The following SEMA5A variants were observed in gnomAD, a reference collection of about 807,000 sequenced individuals.
SEMA5A encodes semaphorin 5A, also known as semaphorin-5A.
SEMA5A carries 55 observed loss-of-function variants against 135.5 expected under a neutral mutation model. The ratio of observed to expected loss-of-function variants is 0.41; its 90% CI spans 0.33 to 0.51. SEMA5A has a LOEUF of 0.51. SEMA5A is among the 20% of genes least tolerant of loss of function. The probability of loss-of-function intolerance (pLI) is 0.37; values close to 1 mark genes in which losing one functional copy is unlikely to be tolerated. For missense variants in SEMA5A, 1,290 were observed against 1,419.9 expected (o/e 0.91, Z 1.47); for synonymous variants, 580 against 546.5 (o/e 1.06, Z -0.85).
chr5:9,320,102 G>T (rs946619986), intron 4 of SEMA5A, among the ~76,000 whole-genome samples: 3 of 152,132 alleles, frequency 2.0e-5, no homozygotes, highest in East Asian at 3.9e-4. Context: ...CACACAGTTT[G>T]CCTCCTCACA....
intron 1 of SEMA5A, among the ~76,000 whole-genome samples, chr5:9,520,773 A>G (rs1736783512): frequency 6.6e-6 from 1 of 152,166 alleles, no homozygotes; most frequent in Admixed American, 6.5e-5. Context: ...AGGACATTTG[A>G]CAAACTACCT....
At chr5:9,091,850 T>C (rs1298947481) in intron 16 of SEMA5A, among the ~76,000 whole-genome samples, 1 of 152,160 alleles carries the variant, frequency 6.6e-6, no homozygotes, top group Non-Finnish European at 1.5e-5. Flanking sequence ...TCACCATTTG[T>C]ATGACAGTCC....
intron 1 of SEMA5A, among the ~76,000 whole-genome samples, chr5:9,520,221 A>G (rs554393220): frequency 2.0e-5 from 3 of 152,156 alleles, no homozygotes; most frequent in African/African-American, 7.2e-5. Context: ...CTAAGCACCT[A>G]CTCCAGGCCA....
chr5:9,158,949 T>TTCAATC (rs1323848387), intron 11 of SEMA5A, among the ~76,000 whole-genome samples: 1 of 152,026 alleles, frequency 6.6e-6, no homozygotes, highest in Non-Finnish European at 1.5e-5. Context: ...GGCTGCCAAT[T>TTCAATC]TGAATTTCAG....
At chr5:9,360,239 G>A (rs193302793) in intron 3 of SEMA5A, among the ~76,000 whole-genome samples, 5 of 152,288 alleles carry the variant, frequency 3.3e-5, no homozygotes, top group African/African-American at 9.6e-5. Flanking sequence ...GAGATAATGT[G>A]TACAGTGTTC....
chr5:9,130,342 G>A (rs528010382), intron 13 of SEMA5A, among the ~76,000 whole-genome samples: 6 of 151,820 alleles, frequency 4.0e-5, no homozygotes, highest in Admixed American at 6.6e-5. Flanking sequence ...TTTCATGTAC[G>A]TTTTGCCATA....
chr5:9,469,578 A>G (rs1260636540), intron 1 of SEMA5A, among the ~76,000 whole-genome samples: 1 of 152,210 alleles, frequency 6.6e-6, no homozygotes, highest in African/African-American at 2.4e-5. Context: ...GCTCCAGGTC[A>G]TTGATCCTAG....
At chr5:9,145,586 T>C (rs1742283853) in intron 12 of SEMA5A, among the ~76,000 whole-genome samples, 1 of 151,598 alleles carries the variant, frequency 6.6e-6, no homozygotes, top group Non-Finnish European at 1.5e-5. Context: ...TACATAACTT[T>C]AAATTTGAGA....
chr5:9,346,006 T>C (rs1753849887), intron 3 of SEMA5A, among the ~76,000 whole-genome samples: 1 of 152,176 alleles, frequency 6.6e-6, no homozygotes, highest in Non-Finnish European at 1.5e-5. Context: ...CTTAAAAGCC[T>C]GACAGACTGC....
intron 13 of SEMA5A, among the ~76,000 whole-genome samples, chr5:9,129,158 C>A (rs1441017688): frequency 6.6e-6 from 1 of 152,092 alleles, no homozygotes; most frequent in Non-Finnish European, 1.5e-5. Flanking sequence ...AGAGGAAGAA[C>A]TTGAAATAAG....
chr5:9,427,595 C>T (rs539549267), intron 2 of SEMA5A, among the ~76,000 whole-genome samples: 256 of 152,270 alleles, frequency 1.7e-3, no homozygotes, highest in African/African-American at 5.5e-3. Flanking sequence ...CTGATGAATA[C>T]ATCACAACTG....
At chr5:9,075,661 G>A (rs898815738) in intron 16 of SEMA5A, among the ~76,000 whole-genome samples, 1 of 152,078 alleles carries the variant, frequency 6.6e-6, no homozygotes, top group African/African-American at 2.4e-5. Flanking sequence ...TCTGAGATGA[G>A]GGAGTACTGG....
intron 11 of SEMA5A, among the ~76,000 whole-genome samples, chr5:9,158,991 G>A (rs1378393347): frequency 6.6e-6 from 1 of 152,072 alleles, no homozygotes; most frequent in Admixed American, 6.5e-5. Flanking sequence ...GTATTAGTAT[G>A]CACTATTCAA....
At chr5:9,142,809 G>A (rs902697263) in intron 12 of SEMA5A, among the ~76,000 whole-genome samples, 10 of 152,148 alleles carry the variant, frequency 6.6e-5, no homozygotes, top group African/African-American at 2.4e-4. Context: ...TTCAAAAATA[G>A]AAAAATTAAC....
At chr5:9,439,238 A>G (rs1177970567) in intron 1 of SEMA5A, among the ~76,000 whole-genome samples, 1 of 152,218 alleles carries the variant, frequency 6.6e-6, no homozygotes, top group Admixed American at 6.5e-5. Context: ...AGTCTCAGAA[A>G]TATTCCTCAG....
At chr5:9,153,675 G>A (rs1350655839) in intron 12 of SEMA5A, among the ~76,000 whole-genome samples, 1 of 152,000 alleles carries the variant, frequency 6.6e-6, no homozygotes, top group Non-Finnish European at 1.5e-5. Flanking sequence ...CTTCTCAAGG[G>A]GTTATCAGCA....
At chr5:9,489,536 C>T (rs778610456) in intron 1 of SEMA5A, among the ~76,000 whole-genome samples, 14 of 152,038 alleles carry the variant, frequency 9.2e-5, no homozygotes, top group Admixed American at 2.0e-4. Context: ...GTGGGTTACA[C>T]GGCCAATATG....
chr5:9,505,029 T>C (rs1236572897), intron 1 of SEMA5A, among the ~76,000 whole-genome samples: 1 of 152,204 alleles, frequency 6.6e-6, no homozygotes, highest in East Asian at 1.9e-4. Context: ...ACTTAGTACA[T>C]AATTTCTCCT....
rs556072730 is a variant in SEMA5A, at chr5:9,135,288, C to T, written c.1599+1216G>A. 4.7e-5 allele frequency among the ~76,000 whole-genome samples: 7 copies of T among 150,166 alleles called. No individual in the cohort carries two copies. In the East Asian group the frequency reaches 1.4e-3, roughly 30 times the overall value. ...CTCTGCCTCCCGAGTTCACGCCATTCTCCTGCCTCAGCCTCCCAAGTAGCT... is the reference window on the plus strand; with the variant it reads ...CTCTGCCTCCCGAGTTCACGCCATTTTCCTGCCTCAGCCTCCCAAGTAGCT... On this transcript the variant is annotated intron_variant, in intron 13 of 22. Coordinates refer to ENST00000382496, the MANE Select transcript of SEMA5A (RefSeq NM_003966.3).
Sources: allele counts gnomAD v4.1 joint callset (sites outside exome capture counted in the v4.1 genomes callset), GRCh38; gene constraint gnomAD v4.1.1; transcripts MANE v1.5; gene names NCBI Gene and HGNC (gene_info 2026-07-23, HGNC 2026-07-21).